Variants in KCTD2 observed in about 807,000 individuals in gnomAD.
KCTD2 encodes the protein potassium channel tetramerization domain containing 2, also known as BTB/POZ domain-containing protein KCTD2.
A neutral mutation model predicts 27.9 loss-of-function variants in KCTD2; 18 were observed. The observed-to-expected ratio is 0.64, with a 90% confidence interval of 0.45 to 0.96. The LOEUF (loss-of-function observed/expected upper bound fraction) is 0.96, where lower values mean the gene tolerates loss of function less well. KCTD2 is among the 40% of genes least tolerant of loss of function. The pLI is 0.00. For missense variants in KCTD2, 280 were observed against 348.0 expected (o/e 0.80, Z 1.56); for synonymous variants, 175 against 148.4 (o/e 1.18, Z -1.30).
chr17:75,059,673 G>T, intron 4 of KCTD2, 68 bp downstream of exon 4: 3 of 1,245,262 alleles, frequency 2.4e-6, no homozygotes, highest in South Asian at 1.3e-5. Context: ...CAAACAATCA[G>T]TGTGGATGGC....
chr17:75,033,930 C>CT (rs1394260321), intron 1 of KCTD2: 1 of 152,282 alleles, frequency 6.6e-6, no homozygotes, highest in Non-Finnish European at 1.5e-5. Flanking sequence ...ATGGATAAGG[C>CT]ACTGGCCTCC....
intron 3 of KCTD2, chr17:75,042,047 C>T: frequency 1.4e-6 from 1 of 702,866 alleles, no homozygotes; most frequent in Non-Finnish European, 2.4e-6. Context: ...GACCACAAGG[C>T]CTTTGGCCAT....
intron 3 of KCTD2, 113 bp downstream of exon 3, chr17:75,053,218 C>T (rs923389026): frequency 1.7e-5 from 14 of 803,898 alleles, no homozygotes; most frequent in East Asian, 2.7e-5. Context: ...TGTGGAACAC[C>T]GTTTGCAGTG....
intron 2 of KCTD2, among the ~76,000 whole-genome samples, chr17:75,050,286 C>A (rs1160058088): frequency 1.3e-5 from 2 of 149,504 alleles, no homozygotes; most frequent in Admixed American, 6.7e-5. Flanking sequence ...TGAGATTTTT[C>A]TTTTTTTTTT....
At chr17:75,040,566 G>C (rs2073148867) in intron 3 of KCTD2, 1 of 215,020 alleles carries the variant, frequency 4.7e-6, no homozygotes, top group Non-Finnish European at 9.4e-6. Flanking sequence ...AAGGAGCACT[G>C]CGTAATGAAT....
intron 5 of KCTD2, 47 bp from the exon 6 acceptor site, chr17:75,062,971 G>A: frequency 6.2e-7 from 1 of 1,604,224 alleles, no homozygotes; most frequent in Non-Finnish European, 8.5e-7. Flanking sequence ...CGACATCTCT[G>A]TCTTTCCCTC....
At chr17:75,048,365 C>T (rs750146973) in intron 1 of KCTD2, among the ~76,000 whole-genome samples, 12 of 152,246 alleles carry the variant, frequency 7.9e-5, no homozygotes, top group Non-Finnish European at 1.0e-4. Flanking sequence ...AAGTTCTCAA[C>T]TTAAAGGCAC....
At chr17:75,045,114 C>T (rs2073200230), upstream of KCTD2, among the ~76,000 whole-genome samples, 1 of 152,110 alleles carries the variant, frequency 6.6e-6, no homozygotes, top group Non-Finnish European at 1.5e-5. Flanking sequence ...CCGGGGGAGA[C>T]ATCACACGTT....
chr17:75,045,949 T>C (rs973202640), upstream of KCTD2, among the ~76,000 whole-genome samples: 1 of 152,208 alleles, frequency 6.6e-6, no homozygotes, highest in Non-Finnish European at 1.5e-5. Flanking sequence ...TACAAAAGTA[T>C]TAATTTGGGG....
At chr17:75,061,960 C>A (rs540253515) in intron 4 of KCTD2, among the ~76,000 whole-genome samples, 160 bp from the exon 5 acceptor site, 1 of 152,196 alleles carries the variant, frequency 6.6e-6, no homozygotes, top group African/African-American at 2.4e-5. Context: ...AGAACAGGCC[C>A]ATTTCTCCCC....
chr17:75,051,220 T>C (rs568829023), intron 2 of KCTD2, among the ~76,000 whole-genome samples: 3 of 150,008 alleles, frequency 2.0e-5, no homozygotes, highest in South Asian at 2.1e-4. Context: ...CCTTGTGATC[T>C]GCCTGCCTCA....
chr17:75,035,675 A>AATACAAAT (rs1450283931), intron 3 of KCTD2, among the ~76,000 whole-genome samples: 6 of 151,998 alleles, frequency 3.9e-5, no homozygotes, highest in South Asian at 4.1e-4. Flanking sequence ...AAAATACAAA[A>AATACAAAT]ATTAGCCGGC....
At chr17:75,037,725 G>A (rs1044072971) in intron 3 of KCTD2, among the ~76,000 whole-genome samples, 1 of 152,144 alleles carries the variant, frequency 6.6e-6, no homozygotes, top group Non-Finnish European at 1.5e-5. Flanking sequence ...ATAGTAAATA[G>A]TGGGGATTTT....
Position 75,047,242 on chromosome 17 carries a change from C to G in KCTD2, c.-9C>G, listed in dbSNP as rs12952376. ...GCGCGGGCAGCAGCGGTGGCGGCGG[C>G]GGTCCAAGATGGCGGAACTGCAGCT... is the stretch of plus-strand genomic sequence containing the variant. On this transcript the variant is annotated 5_prime_UTR_variant, in exon 1 of 6. Transcript: ENST00000322444. 1.3e-6 allele frequency: 1 copy of G among 765,238 alleles called. No individual in the cohort carries two copies. The highest frequency in any genetic ancestry group is 1.6e-6 in the Non-Finnish European group (1 of 606,380). The allele number at this position is 765,238 out of a possible 1,614,324, so 47.4% of individuals were successfully genotyped here. A position where few individuals can be genotyped will look rare whatever the true frequency, so the allele number is the denominator to read the frequency against.
rs976704410 is a variant in KCTD2 at position 75,064,041 on chromosome 17, T to C, written c.*994T>C. ...GGAAATGCCTTGACTGAATGTGCAATATTTGTGTCTCTTGGTTTCTAACCT... is the reference window on the plus strand; with the variant it reads ...GGAAATGCCTTGACTGAATGTGCAACATTTGTGTCTCTTGGTTTCTAACCT... On this transcript the variant is annotated 3_prime_UTR_variant, in exon 6 of 6. Transcript: ENST00000322444. The C allele has an allele frequency of 6.5e-6, 1 of 152,804 alleles. No homozygotes were observed. Among genetic ancestry groups the C allele is most frequent in the African/African-American group, 2.4e-5 (1 of 41,462 alleles). 9.5% of individuals were successfully genotyped at this position (152,804 alleles called of 1,614,324 possible). A position where few individuals can be genotyped will look rare whatever the true frequency, so the allele number is the denominator to read the frequency against.
At chr17:75,051,468 AG>A (rs1189083585) in intron 2 of KCTD2, among the ~76,000 whole-genome samples, 1 of 151,200 alleles carries the variant, frequency 6.6e-6, no homozygotes, top group Non-Finnish European at 1.5e-5. Flanking sequence ...TATTTTTGGT[AG>A]AGACGGGGGT....
At chr17:75,055,706 C>A (rs1406498424) in intron 3 of KCTD2, among the ~76,000 whole-genome samples, 1 of 152,164 alleles carries the variant, frequency 6.6e-6, no homozygotes, top group Non-Finnish European at 1.5e-5. Flanking sequence ...GTGGCACATG[C>A]CTGTAATCCC....
chr17:75,052,473 G>A (rs1484642681), intron 2 of KCTD2, among the ~76,000 whole-genome samples: 1 of 152,178 alleles, frequency 6.6e-6, no homozygotes, highest in Non-Finnish European at 1.5e-5. Context: ...TGTAATCCCA[G>A]AACTTTGGGA....
intron 5 of KCTD2, 25 bp from the exon 6 acceptor site, chr17:75,062,993 C>G (rs2073420048): frequency 6.2e-7 from 1 of 1,613,474 alleles, no homozygotes. Flanking sequence ...GCAGCCTCAG[C>G]CTCTCCCCCA....
Sources: allele counts gnomAD v4.1 joint callset (sites outside exome capture counted in the v4.1 genomes callset), GRCh38; gene constraint gnomAD v4.1.1; transcripts MANE v1.5; gene names NCBI Gene and HGNC (gene_info 2026-07-23, HGNC 2026-07-21).